BICC1: variants seen among roughly 807,000 people sequenced by gnomAD.
BICC1 encodes the protein BicC family RNA binding protein 1, also known as protein bicaudal C homolog 1.
A neutral mutation model predicts 111.0 loss-of-function variants in BICC1; 43 were observed. That is an observed-to-expected ratio of 0.39 (90% confidence interval 0.30 to 0.50). BICC1 has a LOEUF of 0.50. Among genes scored for constraint, BICC1 ranks in the 20% least tolerant of loss-of-function variants. The probability of loss-of-function intolerance (pLI) is 0.88; values close to 1 mark genes in which losing one functional copy is unlikely to be tolerated. For missense variants in BICC1, 1,091 were observed against 1,203.2 expected (o/e 0.91, Z 1.38); for synonymous variants, 467 against 434.4 (o/e 1.07, Z -0.93).
intron 20 of BICC1, among the ~76,000 whole-genome samples, chr10:58,824,603 G>T (rs75326857): frequency 0.011 from 1,628 of 152,154 alleles, 13 homozygotes; most frequent in African/African-American, 0.021. Flanking sequence ...AATCTGTGTC[G>T]TCAGCATTAC....
At chr10:58,657,700 T>C (rs938480849) in intron 2 of BICC1, among the ~76,000 whole-genome samples, 4 of 152,232 alleles carry the variant, frequency 2.6e-5, no homozygotes, top group African/African-American at 7.2e-5. Context: ...TTGCCTGGCA[T>C]GTACTTAACA....
At chr10:58,678,240 G>A (rs146699321) in intron 2 of BICC1, among the ~76,000 whole-genome samples, 2,955 of 152,132 alleles carry the variant, frequency 0.019, 48 homozygotes, top group Middle Eastern at 0.041. Flanking sequence ...CAATTAAAAG[G>A]CACAGACTGG....
intron 1 of BICC1, among the ~76,000 whole-genome samples, chr10:58,614,385 G>A (rs192879187): frequency 3.9e-5 from 6 of 152,262 alleles, no homozygotes; most frequent in Non-Finnish European, 8.8e-5. Flanking sequence ...GTATTTATGG[G>A]CTTGGGAAAT....
At chr10:58,750,622 G>A (rs58809617) in intron 3 of BICC1, among the ~76,000 whole-genome samples, 1,752 of 152,248 alleles carry the variant, frequency 0.012, 38 homozygotes, top group African/African-American at 0.04. Context: ...CATAGAAGTT[G>A]AAAGGTGCAT....
intron 2 of BICC1, among the ~76,000 whole-genome samples, chr10:58,684,385 C>T (rs752548637): frequency 6.6e-6 from 1 of 152,120 alleles, no homozygotes; most frequent in East Asian, 1.9e-4. Flanking sequence ...TGATGCTGGC[C>T]TCATAAAATG....
chr10:58,582,480 A>G (rs954845683), intron 1 of BICC1, among the ~76,000 whole-genome samples: 2 of 152,130 alleles, frequency 1.3e-5, no homozygotes. Flanking sequence ...TATTCTCTGT[A>G]TTGATGGTGT....
At chr10:58,622,287 A>T (rs1845843879) in intron 2 of BICC1, among the ~76,000 whole-genome samples, 1 of 152,188 alleles carries the variant, frequency 6.6e-6, no homozygotes, top group Non-Finnish European at 1.5e-5. Context: ...ATTCTTCTTC[A>T]TTGTTCTTCT....
chr10:58,555,403 C>T (rs1843422095), intron 1 of BICC1, among the ~76,000 whole-genome samples: 1 of 146,180 alleles, frequency 6.8e-6, no homozygotes, highest in South Asian at 2.2e-4. Context: ...GTATTGTAAC[C>T]TGTTGGAAGT....
At position 58,797,791 on chromosome 10, in the gene BICC1, G is replaced by A. The variant is rs138460441; in HGVS notation, c.1367-608G>A. Among the ~76,000 whole-genome samples the A allele has an allele frequency of 8.6e-5, 13 of 151,954 alleles. No individual in the cohort carries two copies. The East Asian group carries it at 2.5e-3, about 29-fold the overall frequency. On this transcript the variant is annotated intron_variant, in intron 10 of 20. Transcript: ENST00000373886. The stretch of plus-strand genomic sequence containing the variant: ...AGGAAAATTTCATTATTTAAATCAA[G>A]CATTGACTCCTTAGAACAACAACAA...
intron 2 of BICC1, among the ~76,000 whole-genome samples, chr10:58,645,542 A>T (rs572523319): frequency 6.6e-6 from 1 of 152,276 alleles, no homozygotes; most frequent in African/African-American, 2.4e-5. Flanking sequence ...GGCAGACTTC[A>T]ACAAACACAA....
intron 3 of BICC1, among the ~76,000 whole-genome samples, chr10:58,719,243 T>C (rs909833253): frequency 2.0e-5 from 3 of 152,236 alleles, no homozygotes; most frequent in Middle Eastern, 3.2e-3. Flanking sequence ...GAAATATTTT[T>C]GAGTGCTTTG....
rs80289849 is a variant in BICC1, at chr10:58,520,130, A to G, written c.190+6797A>G. On this transcript the variant is annotated intron_variant, in intron 1 of 20. Transcript: ENST00000373886. The stretch of plus-strand genomic sequence containing the variant: ...GTTTTGTCGTCTGAAATTGTCCAAA[A>G]TAGTGAGCTAATAAAATAGACCAGT... 5.5e-3 allele frequency among the ~76,000 whole-genome samples: 842 copies of G among 152,314 alleles called. 4 individuals are homozygous for G. Among genetic ancestry groups the G allele is most frequent in the African/African-American group, 0.019 (801 of 41,594 alleles).
rs199789205 is a variant in BICC1 at position 58,799,067 on chromosome 10, A to G, written c.1540A>G (p.Ile514Val). 4.1e-5 allele frequency: 66 copies of G among 1,608,090 alleles called. No homozygotes were observed. The Middle Eastern group carries it at 6.6e-4, about 16-fold the overall frequency. ...NTSSATGFSAIPHLMIPSTAQ... is the reference protein window; with the variant it reads ...NTSSATGFSAVPHLMIPSTAQ... ...AAATGTTGTTGTAGGTTTTTCTGCT[A>G]TACCACACCTTATGATTCCATCTAC... The change falls in exon 12 of 21, where the codon ATA becomes GTA. Residue 514 changes from isoleucine to valine, a missense_variant. Around this residue, in one of 3 missense-constraint regions of BICC1, gnomAD observed 843 missense variants for 900.8 expected, o/e 0.94. Coordinates refer to ENST00000373886, the MANE Select transcript of BICC1 (RefSeq NM_001080512.3).
At chr10:58,677,949 A>T (rs1054329460) in intron 2 of BICC1, among the ~76,000 whole-genome samples, 1 of 152,246 alleles carries the variant, frequency 6.6e-6, no homozygotes, top group Admixed American at 6.5e-5. Flanking sequence ...ACTAAGCTTC[A>T]TAAGTGAGGG....
chr10:58,821,611 G>T (rs1844252394), intron 20 of BICC1, among the ~76,000 whole-genome samples: 1 of 152,028 alleles, frequency 6.6e-6, no homozygotes. Flanking sequence ...AGGTTCTTCT[G>T]TGGATAGAGT....
chr10:58,689,126 G>C (rs1364790346), intron 2 of BICC1, among the ~76,000 whole-genome samples: 1 of 152,106 alleles, frequency 6.6e-6, no homozygotes, highest in Non-Finnish European at 1.5e-5. Flanking sequence ...TATCATCTAG[G>C]ATCTAGGATC....
chr10:58,512,788 CAAT>C (rs1842122963), upstream of BICC1, among the ~76,000 whole-genome samples: 1 of 150,906 alleles, frequency 6.6e-6, no homozygotes. Context: ...CTGGCCGGGC[CAAT>C]GAGCGCGCGG....
At chr10:58,613,314 A>G (rs977952755) in intron 1 of BICC1, among the ~76,000 whole-genome samples, 1 of 152,216 alleles carries the variant, frequency 6.6e-6, no homozygotes, top group Non-Finnish European at 1.5e-5. Flanking sequence ...AGTTTAAGGA[A>G]AACCTGCTAA....
intron 1 of BICC1, among the ~76,000 whole-genome samples, chr10:58,618,836 C>A (rs1247770876): frequency 6.6e-6 from 1 of 152,198 alleles, no homozygotes; most frequent in Non-Finnish European, 1.5e-5. Context: ...GTGGTTTTCA[C>A]TGGGCTGAAA....
Sources: allele counts gnomAD v4.1 joint callset (sites outside exome capture counted in the v4.1 genomes callset), GRCh38; gene constraint gnomAD v4.1.1; regional missense constraint gnomAD v4.1.1; transcripts MANE v1.5; gene names NCBI Gene and HGNC (gene_info 2026-07-23, HGNC 2026-07-21).